The following RAB43 variants were observed in gnomAD, a reference collection of about 807,000 sequenced individuals.
RAB43 encodes the protein RAB43, member RAS oncogene family.
Under a neutral mutation model 18.8 loss-of-function variants are expected in RAB43, and 6 were observed. That is an observed-to-expected ratio of 0.32 (90% CI 0.17 to 0.63). RAB43 has a LOEUF of 0.63. RAB43 is among the 30% of genes least tolerant of loss of function. RAB43 has a pLI of 0.79. For synonymous variants in RAB43, 103 were observed against 124.1 expected (o/e 0.83, Z 1.13); for missense variants, 195 against 289.1 (o/e 0.67, Z 2.36).
chr3:129,094,027 A>G (rs1933852469), intron 2 of RAB43, among the ~76,000 whole-genome samples: 2 of 152,218 alleles, frequency 1.3e-5, no homozygotes, highest in Admixed American at 1.3e-4. Flanking sequence ...GGAAGGTTAT[A>G]TAGAAGGAAA....
rs1162905228 is a variant in RAB43 at position 129,121,354 on chromosome 3, G to T, written c.136C>A (p.Arg46Ser). ...TCGACGCCGATGGTGCTTCCCTGGC[G>T]CTCCGAGAAGGCGCCGGTCTTGAAG... Reference protein sequence around the residue: ...QRFKTGAFSERQGSTIGVDFT... With the variant: ...QRFKTGAFSESQGSTIGVDFT... Residue 46 changes from arginine to serine, a missense_variant, in exon 1 of 3, where the codon CGC becomes AGC. Transcript: ENST00000315150. 1.2e-6 allele frequency: 2 copies of T among 1,610,758 alleles called. No homozygotes were observed. The highest frequency in any genetic ancestry group is 3.4e-5 in the Admixed American group (2 of 59,426).
intron 1 of RAB43, among the ~76,000 whole-genome samples, chr3:129,106,832 T>C (rs1934815492): frequency 6.6e-6 from 1 of 152,150 alleles, no homozygotes; most frequent in African/African-American, 2.4e-5. Flanking sequence ...CTTTGTCCCT[T>C]GTTACAATGC....
intron 1 of RAB43, among the ~76,000 whole-genome samples, chr3:129,121,084 G>A (rs1402569504): frequency 1.7e-4 from 7 of 40,526 alleles, no homozygotes; most frequent in South Asian, 8.9e-4. Flanking sequence ...CCCCCCCCCA[G>A]CAACCCACGG....
At chr3:129,091,603 A>G (rs1368526137) in intron 2 of RAB43, among the ~76,000 whole-genome samples, 1 of 152,250 alleles carries the variant, frequency 6.6e-6, no homozygotes, top group East Asian at 1.9e-4. Context: ...CCTGGGCAAC[A>G]CAGTGAGACC....
intron 1 of RAB43, among the ~76,000 whole-genome samples, chr3:129,102,630 CA>C (rs745477635): frequency 3.1e-4 from 21 of 68,206 alleles, no homozygotes; most frequent in South Asian, 1.6e-3. Flanking sequence ...GACTCCATCT[CA>C]AAAAAAAAAA....
At position 129,095,089 on chromosome 3, in the gene RAB43, G is replaced by A; in HGVS notation, c.285C>T (p.Ile95=). The part of the protein sequence containing the change: ...QSYYRSANGA[I]LAYDITKRSS... ...TCCTCTTGGTGATGTCGTAGGCAAGGATGGCCCCATTGGCACTGCGGTAGT... is the reference window on the plus strand; with the variant it reads ...TCCTCTTGGTGATGTCGTAGGCAAGAATGGCCCCATTGGCACTGCGGTAGT... The change falls in exon 2 of 3, where the codon ATC becomes ATT. Residue 95 remains isoleucine, a synonymous_variant. Transcript: ENST00000315150. The surrounding 1 kb of genome is among the most constrained non-coding windows in gnomAD (Gnocchi z 4.2). The A allele has an allele frequency of 6.2e-7, 1 of 1,614,098 alleles. No individual in the cohort carries two copies. The highest frequency in any genetic ancestry group is 8.5e-7 in the Non-Finnish European group (1 of 1,179,974).
chr3:129,096,007 C>T (rs1469195621), intron 1 of RAB43, among the ~76,000 whole-genome samples: 1 of 152,220 alleles, frequency 6.6e-6, no homozygotes, highest in Non-Finnish European at 1.5e-5. Flanking sequence ...GGTGACCAAA[C>T]ACCTTGGGGA....
chr3:129,113,635 CAAACTGGTGCAAGTAGAGGAGAGCT>C (rs1935310756), intron 1 of RAB43, among the ~76,000 whole-genome samples: 2 of 152,262 alleles, frequency 1.3e-5, no homozygotes, highest in African/African-American at 4.8e-5. Flanking sequence ...ATTTGCGAGG[CAAACTGGTGCAAGTAGAGGAGAGCT>C]GATTTTAATG....
At chr3:129,111,926 A>G (rs899636243) in intron 1 of RAB43, among the ~76,000 whole-genome samples, 3 of 152,088 alleles carry the variant, frequency 2.0e-5, no homozygotes, top group African/African-American at 7.2e-5. Flanking sequence ...GAAATCACCC[A>G]CTATTTATGG....
In RAB43 at chr3:129,121,521, G is replaced by A; in HGVS notation, c.-32C>T. ...GAAGAAGCCGAAGGGCCGGCGCTCT[G>A]GACGCTGGGACCGGCCTGAGCTCAC... On this transcript the variant is annotated 5_prime_UTR_variant, in exon 1 of 3. Coordinates refer to ENST00000315150, the MANE Select transcript of RAB43 (RefSeq NM_198490.3). 2.6e-6 allele frequency: 4 copies of A among 1,553,242 alleles called. No individual in the cohort carries two copies. Among genetic ancestry groups the A allele is most frequent in the East Asian group, 2.4e-5 (1 of 42,364 alleles).
At chr3:129,115,362 G>A (rs1360762768) in intron 1 of RAB43, among the ~76,000 whole-genome samples, 1 of 151,516 alleles carries the variant, frequency 6.6e-6, no homozygotes, top group Non-Finnish European at 1.5e-5. Context: ...AAATCAGCCA[G>A]GCACAGCGGT....
chr3:129,091,384 G>T (rs755701542), intron 2 of RAB43, 38 bp from the exon 3 acceptor site: 1 of 1,585,608 alleles, frequency 6.3e-7, no homozygotes, highest in Non-Finnish European at 8.6e-7. Flanking sequence ...GGCCATGGGG[G>T]CTGGGCAAGC....
intron 1 of RAB43, among the ~76,000 whole-genome samples, chr3:129,116,727 C>T (rs1037973571): frequency 5.9e-5 from 9 of 152,284 alleles, no homozygotes; most frequent in Middle Eastern, 3.4e-3. Context: ...TGGCAGCATC[C>T]CTAGCGAGCA....
intron 1 of RAB43, among the ~76,000 whole-genome samples, chr3:129,112,600 A>C (rs1372384190): frequency 6.6e-6 from 1 of 152,190 alleles, no homozygotes; most frequent in African/African-American, 2.4e-5. Context: ...CCCCTTTAAG[A>C]GACGTCACCT....
intron 2 of RAB43, among the ~76,000 whole-genome samples, chr3:129,091,768 A>T (rs2107974747): frequency 6.6e-6 from 1 of 151,868 alleles, no homozygotes; most frequent in Middle Eastern, 3.4e-3. Flanking sequence ...AGGAAGACAA[A>T]AAAAAAAAGA....
At chr3:129,091,465 C>T in intron 2 of RAB43, 119 bp from the exon 3 acceptor site, 1 of 1,288,340 alleles carries the variant, frequency 7.8e-7, no homozygotes, top group Non-Finnish European at 1.1e-6. Flanking sequence ...ATGGACACCC[C>T]TGGCATGGTC....
chr3:129,114,530 C>T (rs1002331186), intron 1 of RAB43, among the ~76,000 whole-genome samples: 2 of 152,132 alleles, frequency 1.3e-5, no homozygotes, highest in Non-Finnish European at 2.9e-5. Flanking sequence ...ACTTATAAAA[C>T]GCATGCACAT....
Position 129,091,155 on chromosome 3 carries a change from G to C in RAB43, c.580C>G (p.Pro194Ala). The C allele has an allele frequency of 6.3e-7, 1 of 1,575,704 alleles. No homozygotes were observed. Among genetic ancestry groups the C allele is most frequent in the South Asian group, 1.1e-5 (1 of 87,968 alleles). ...HGGPLFSEKS[P>A]DHIQLNSKDI... is the part of the protein sequence containing the mutation. ...TTGCTGTTCAGCTGGATGTGGTCGG[G>C]GCTCTTCTCGCTGAACAAGGGGCCC... The change falls in exon 3 of 3, where the codon CCC becomes GCC. Residue 194 changes from proline to alanine, a missense_variant. Physicochemically the swap from Pro to Ala is conservative, Grantham distance 27. Transcript: ENST00000315150.
chr3:129,119,137 CA>C (rs1157763691), intron 1 of RAB43, among the ~76,000 whole-genome samples: 1 of 152,192 alleles, frequency 6.6e-6, no homozygotes, highest in Non-Finnish European at 1.5e-5. Flanking sequence ...AATTAGACCT[CA>C]AAAAACTTGA....
Sources: gnomAD v4.1 joint callset for allele counts (sites outside exome capture counted in the v4.1 genomes callset) on GRCh38, gnomAD v4.1.1 for gene constraint, Gnocchi (gnomAD v3.1) non-coding constraint, MANE v1.5 for transcripts, NCBI Gene and HGNC (gene_info 2026-07-23, HGNC 2026-07-21) for gene names.